Variants in AMOTL1 observed in about 807,000 individuals in gnomAD.
The protein encoded by AMOTL1 is angiomotin like 1, also known as angiomotin-like protein 1.
AMOTL1 carries 45 observed loss-of-function variants against 102.9 expected under a neutral mutation model. The observed-to-expected ratio is 0.44, with a 90% CI of 0.34 to 0.56. AMOTL1 has a LOEUF of 0.56. AMOTL1 is among the 20% of genes least tolerant of loss of function. The pLI, the probability that AMOTL1 is intolerant of heterozygous loss-of-function variation, is 0.01. For missense variants in AMOTL1, 1,114 were observed against 1,225.6 expected (o/e 0.91, Z 1.36); for synonymous variants, 481 against 484.7 (o/e 0.99, Z 0.10).
intron 1 of AMOTL1, among the ~76,000 whole-genome samples, chr11:94,772,269 G>C (rs921552203): frequency 1.3e-5 from 2 of 152,116 alleles, no homozygotes; most frequent in African/African-American, 4.8e-5. Context: ...ATTTTTTCAT[G>C]TGTAGATTCA....
chr11:94,729,004 G>A, exon 2 of AMOTL1: 2 of 1,289,106 alleles, frequency 1.6e-6, no homozygotes, highest in Non-Finnish European at 2.0e-6. Context: ...TTTGGAGGAA[G>A]GAGCCTGGTT....
intron 1 of AMOTL1, among the ~76,000 whole-genome samples, chr11:94,712,114 T>C (rs971761706): frequency 2.8e-4 from 43 of 152,214 alleles, no homozygotes; most frequent in Admixed American, 2.6e-4. Flanking sequence ...TTGGTGTTAT[T>C]ACTATTTTTT....
chr11:94,857,914 C>G (rs1255237442), intron 8 of AMOTL1, among the ~76,000 whole-genome samples: 1 of 152,162 alleles, frequency 6.6e-6, no homozygotes, highest in Non-Finnish European at 1.5e-5. Context: ...ATCTGTTTTT[C>G]TCGGTAGCAC....
chr11:94,747,179 T>C (rs1950599252), intron 3 of AMOTL1, among the ~76,000 whole-genome samples: 1 of 152,206 alleles, frequency 6.6e-6, no homozygotes, highest in African/African-American at 2.4e-5. Flanking sequence ...TTAGAAAATC[T>C]GGACTTTAGA....
intron 1 of AMOTL1, among the ~76,000 whole-genome samples, chr11:94,774,662 G>T (rs1950998766): frequency 1.3e-5 from 2 of 152,182 alleles, no homozygotes; most frequent in African/African-American, 4.8e-5. Flanking sequence ...TAGAGTTTCT[G>T]TTTCCTTGGT....
chr11:94,776,400 G>A (rs967711643), intron 1 of AMOTL1, among the ~76,000 whole-genome samples: 10 of 152,074 alleles, frequency 6.6e-5, no homozygotes, highest in Non-Finnish European at 1.5e-4. Context: ...CTGTTTCCTG[G>A]ACTATTGTGA....
In AMOTL1 at chr11:94,866,010, G is replaced by A. The variant is rs748264068; in HGVS notation, c.2330G>A (p.Arg777His). 4 of 1,613,972 alleles carry A rather than the reference G, an allele frequency of 2.5e-6. No homozygotes were observed. In the Middle Eastern group the frequency reaches 4.9e-4, roughly 200 times the overall value. ...ATTAAGGTCCTGCAGCAGCGATCTC[G>A]TAAAGATGCCGGGAAGACAGACTCC... is the stretch of plus-strand genomic sequence containing the variant. ...AMIKVLQQRS[R>H]KDAGKTDSSS... Residue 777 changes from arginine (R) to histidine (H), a missense_variant, in exon 11 of 13, where the codon CGT (arginine) becomes CAT (histidine). By Grantham distance (29) the Arg-to-His change is conservative. Coordinates refer to ENST00000433060, the MANE Select transcript of AMOTL1 (RefSeq NM_130847.3).
chr11:94,851,131 C>T (rs187047099), intron 7 of AMOTL1, among the ~76,000 whole-genome samples: 1 of 152,258 alleles, frequency 6.6e-6, no homozygotes, highest in Non-Finnish European at 1.5e-5. Context: ...GGCTCCGGGG[C>T]AACAGCCTTC....
chr11:94,840,422 GA>G lies in AMOTL1; in HGVS notation c.1648+8888del, dbSNP rs374711190. ...AGACTGGTTTGGTAGAAAGAAGGGG[GA>G]AAAAAAGGAATCTATTCAAAGCAAG... On this transcript the variant is annotated intron_variant, in intron 6 of 12. Coordinates refer to ENST00000433060, the MANE Select transcript of AMOTL1 (RefSeq NM_130847.3). 1.2e-4 allele frequency among the ~76,000 whole-genome samples: 18 copies of G among 151,648 alleles called. 1 individual carries two copies. The South Asian group carries it at 2.9e-3, about 25-fold the overall frequency.
rs117136057 is a variant in AMOTL1 at position 94,772,041 on chromosome 11, G to A, written c.49+3481G>A. Among the ~76,000 whole-genome samples the A allele has an allele frequency of 3.3e-3, 508 of 151,948 alleles. 1 individual carries two copies. The highest frequency in any genetic ancestry group is 0.027 in the East Asian group (141 of 5,180). ...GTCTGCTGTTTACTTTTAACTTTTC[G>A]TTTTGAAATGATCATAGCTTCATAG... On this transcript the variant is annotated intron_variant, in intron 1 of 12. Coordinates refer to ENST00000433060, the MANE Select transcript of AMOTL1 (RefSeq NM_130847.3).
At chr11:94,718,615 G>A (rs567442217) in intron 1 of AMOTL1, among the ~76,000 whole-genome samples, 38 of 151,640 alleles carry the variant, frequency 2.5e-4, no homozygotes, top group Admixed American at 3.3e-4. Flanking sequence ...TTGCCAATGT[G>A]ATAAGTGAAA....
chr11:94,798,478 A>G (rs1353728625), intron 2 of AMOTL1, among the ~76,000 whole-genome samples: 3 of 152,144 alleles, frequency 2.0e-5, no homozygotes, highest in Non-Finnish European at 2.9e-5. Flanking sequence ...CAGAAAGTAG[A>G]TGAGGCAGGG....
At chr11:94,826,802 G>T (rs958998955) in intron 4 of AMOTL1, among the ~76,000 whole-genome samples, 2 of 152,188 alleles carry the variant, frequency 1.3e-5, no homozygotes, top group African/African-American at 2.4e-5. Context: ...TCCATAGCAT[G>T]CACTGAAGGG....
rs56707429 is a variant in AMOTL1, at chr11:94,872,327, A to C, written c.*1532A>C. ...TCCTACAGGGTCCTGATGTTTTTGT[A>C]CCTCCAGGTCAGCTGGATCGCTGTT... On this transcript the variant is annotated 3_prime_UTR_variant, in exon 13 of 13. Coordinates refer to ENST00000433060, the MANE Select transcript of AMOTL1 (RefSeq NM_130847.3). The C allele has an allele frequency of 0.062, 9,393 of 151,960 alleles. 530 individuals are homozygous for C. The highest frequency in any genetic ancestry group is 0.15 in the African/African-American group (6,024 of 41,420). The allele number at this position is 151,960 out of a possible 1,614,324, so 9.4% of individuals were successfully genotyped here. A position where few individuals can be genotyped will look rare whatever the true frequency, so the allele number is the denominator to read the frequency against.
chr11:94,860,026 T>G (rs983566191), intron 9 of AMOTL1, among the ~76,000 whole-genome samples: 3 of 152,168 alleles, frequency 2.0e-5, no homozygotes, highest in Non-Finnish European at 2.9e-5. Flanking sequence ...ATCAATACAT[T>G]TAACATAGCC....
intron 3 of AMOTL1, among the ~76,000 whole-genome samples, chr11:94,757,688 C>T (rs1950743458): frequency 6.6e-6 from 1 of 152,152 alleles, no homozygotes; most frequent in Non-Finnish European, 1.5e-5. Context: ...ATGGGGCAGG[C>T]CTCAGAGTGC....
At chr11:94,860,139 AC>A (rs1296814760) in intron 9 of AMOTL1, among the ~76,000 whole-genome samples, 1 of 152,228 alleles carries the variant, frequency 6.6e-6, no homozygotes, top group East Asian at 1.9e-4. Flanking sequence ...TATTTAAGGC[AC>A]TTTTTAATGC....
chr11:94,792,524 G>T (rs1482543276), intron 1 of AMOTL1, among the ~76,000 whole-genome samples: 1 of 152,226 alleles, frequency 6.6e-6, no homozygotes, highest in Non-Finnish European at 1.5e-5. Context: ...CAGCTCAGCC[G>T]GTTGGTTGTC....
rs748910484 is a variant in AMOTL1 at position 94,799,796 on chromosome 11, G to A, written c.606G>A (p.Arg202=). ...EEAKAQSQFF[R]GQQQQQQQQG... is the part of the protein sequence containing the mutation. ...CCAAAGCACAGTCGCAGTTCTTCAG[G>A]GGGCAGCAGCAGCAGCAACAGCAGC... The change falls in exon 3 of 13, where the codon AGG becomes AGA. Residue 202 remains arginine, a synonymous_variant. Coordinates refer to ENST00000433060, the MANE Select transcript of AMOTL1 (RefSeq NM_130847.3). This position sits in a 1 kb window ranked among gnomAD's most constrained non-coding sequence, Gnocchi z 4.5. The A allele has an allele frequency of 1.1e-5, 17 of 1,601,356 alleles. No individual in the cohort carries two copies. In the South Asian group the frequency reaches 1.5e-4, roughly 14 times the overall value.
Sources: gnomAD v4.1 joint callset for allele counts (sites outside exome capture counted in the v4.1 genomes callset) on GRCh38, gnomAD v4.1.1 for gene constraint, Gnocchi (gnomAD v3.1) non-coding constraint, MANE v1.5 for transcripts, NCBI Gene and HGNC (gene_info 2026-07-23, HGNC 2026-07-21) for gene names.